The following NAP1L1 variants were observed in gnomAD, a reference collection of about 807,000 sequenced individuals.
The protein encoded by NAP1L1 is nucleosome assembly protein 1-like 1.
NAP1L1 carries 9 observed loss-of-function variants against 58.9 expected under a neutral mutation model. The observed-to-expected ratio is 0.15, with a 90% CI of 0.09 to 0.27. NAP1L1 has a LOEUF of 0.27. Ranked by LOEUF, NAP1L1 falls within the 10% of genes least tolerant of loss-of-function variation. NAP1L1 has a pLI of 1.00. For synonymous variants in NAP1L1, 130 were observed against 138.3 expected (o/e 0.94, Z 0.42); for missense variants, 302 against 458.8 (o/e 0.66, Z 3.12).
At chr12:76,083,887 G>C (rs1370978530) in intron 1 of NAP1L1, 1 of 152,250 alleles carries the variant, frequency 6.6e-6, no homozygotes, top group African/African-American at 2.4e-5. Context: ...CACAGACCGA[G>C]GGCAAGGGTC....
At chr12:76,083,560 T>G (rs1446002893) in intron 1 of NAP1L1, among the ~76,000 whole-genome samples, 2 of 151,772 alleles carry the variant, frequency 1.3e-5, no homozygotes, top group Non-Finnish European at 2.9e-5. Context: ...CAAGCTTGGT[T>G]TAGGGGTTTA....
At chr12:76,077,762 T>C (rs970341548) in intron 1 of NAP1L1, among the ~76,000 whole-genome samples, 1 of 151,882 alleles carries the variant, frequency 6.6e-6, no homozygotes, top group Non-Finnish European at 1.5e-5. Flanking sequence ...GGCAGGCGAA[T>C]TGCCTGAGCT....
intron 8 of NAP1L1, among the ~76,000 whole-genome samples, chr12:76,054,282 G>A (rs201785178): frequency 2.8e-5 from 3 of 109,054 alleles, no homozygotes; most frequent in African/African-American, 7.8e-5. Context: ...CACCCACCTC[G>A]GCCTCCCAAA....
rs545018387 is a variant in NAP1L1, at chr12:76,056,119, C to T, written c.472G>A (p.Asp158Asn). 7.4e-6 allele frequency: 12 copies of T among 1,612,732 alleles called. No homozygotes were observed. The South Asian group carries it at 1.1e-4, about 15-fold the overall frequency. Reference protein sequence around the residue: ...EKAKIEDEKKDEEKEDPKGIP... With the variant: ...EKAKIEDEKKNEEKEDPKGIP... ...CCTTTGGGGTCTTCTTTTTCTTCAT[C>T]TTTTTTCTCATCTTCAATCTTGGCC... The change falls in exon 7 of 15, where the codon GAT becomes AAT. Residue 158 changes from aspartate (D) to asparagine (N), a missense_variant. Physicochemically the swap from Asp to Asn is conservative, Grantham distance 23. Coordinates refer to ENST00000618691, the MANE Select transcript of NAP1L1 (RefSeq NM_004537.7).
Position 76,074,247 on chromosome 12 carries a change from G to A in NAP1L1, c.-20-8C>T, listed in dbSNP as rs748772096. ...TGTAAGAACTCCAAATATCTATGGA[G>A]AGAAACATCAATGTTAAAAAAAAAG... On this transcript the variant is annotated splice_region_variant and splice_polypyrimidine_tract_variant and intron_variant, in intron 1 of 14. Coordinates refer to ENST00000618691, the MANE Select transcript of NAP1L1 (RefSeq NM_004537.7). 3 of 1,565,988 alleles carry A rather than the reference G, an allele frequency of 1.9e-6. No individual in the cohort carries two copies. Among genetic ancestry groups the A allele is most frequent in the African/African-American group, 1.4e-5 (1 of 71,846 alleles).
intron 8 of NAP1L1, among the ~76,000 whole-genome samples, chr12:76,054,149 C>T (rs1948967397): frequency 1.3e-5 from 2 of 152,152 alleles, no homozygotes; most frequent in African/African-American, 2.4e-5. Flanking sequence ...GGTGCGCCAG[C>T]CTGCCAATTA....
At chr12:76,067,057 T>A (rs1949712082) in intron 4 of NAP1L1, among the ~76,000 whole-genome samples, 2 of 152,122 alleles carry the variant, frequency 1.3e-5, no homozygotes, top group Admixed American at 6.5e-5. Context: ...TAATAATGAT[T>A]TATGTCATCA....
Position 76,074,285 on chromosome 12 carries a change from T to TA in NAP1L1, c.-20-47dup, listed in dbSNP as rs146086563. 2.8e-4 allele frequency: 411 copies of TA among 1,484,912 alleles called. 1 individual carries two copies. Among genetic ancestry groups the TA allele is most frequent in the South Asian group, 1.3e-3 (92 of 73,534 alleles). The allele number at this position is 1,484,912 out of a possible 1,614,324, so 92.0% of individuals were successfully genotyped here. On this transcript the variant is annotated intron_variant, in intron 1 of 14. Coordinates refer to ENST00000618691, the MANE Select transcript of NAP1L1 (RefSeq NM_004537.7). ...GTTAAAAAAAAAGTATATGATTTAT[T>TA]AAAAAAAAATAAGAAACCAAAACCC...
intron 6 of NAP1L1, among the ~76,000 whole-genome samples, chr12:76,058,933 T>TTG (rs1414292013): frequency 1.3e-5 from 2 of 152,132 alleles, no homozygotes; most frequent in African/African-American, 4.8e-5. Context: ...TAACATACTG[T>TTG]TGGTAGGAGT....
chr12:76,078,539 C>T (rs1185003630), intron 1 of NAP1L1, among the ~76,000 whole-genome samples: 1 of 152,168 alleles, frequency 6.6e-6, no homozygotes, highest in African/African-American at 2.4e-5. Flanking sequence ...CAAATACATA[C>T]CTACAGACAT....
intron 3 of NAP1L1, 46 bp downstream of exon 3, chr12:76,068,863 A>G: frequency 2.2e-6 from 3 of 1,377,850 alleles, no homozygotes; most frequent in Non-Finnish European, 1.0e-6. Context: ...CCTCTAGTAG[A>G]CATGTGCCAG....
At chr12:76,056,797 A>C in intron 6 of NAP1L1, 1 of 343,762 alleles carries the variant, frequency 2.9e-6, no homozygotes, top group East Asian at 7.9e-5. Context: ...GGATCATTTA[A>C]GGTCAGGAGT....
intron 6 of NAP1L1, chr12:76,057,238 C>CA (rs890850749): frequency 7.1e-5 from 18 of 253,018 alleles, no homozygotes; most frequent in African/African-American, 4.1e-4. Flanking sequence ...TGCAGTGAGC[C>CA]AAGATCATGC....
chr12:76,079,000 C>T (rs1187053550), intron 1 of NAP1L1, among the ~76,000 whole-genome samples: 1 of 152,010 alleles, frequency 6.6e-6, no homozygotes, highest in South Asian at 2.1e-4. Flanking sequence ...TATATACACA[C>T]ACACACACAC....
chr12:76,065,013 C>G (rs1428469474), intron 4 of NAP1L1, among the ~76,000 whole-genome samples: 1 of 152,082 alleles, frequency 6.6e-6, no homozygotes, highest in African/African-American at 2.4e-5. Context: ...CTGAAACTTT[C>G]TTTATGCACA....
intron 6 of NAP1L1, 73 bp from the exon 7 acceptor site, chr12:76,056,234 A>T: frequency 4.9e-6 from 7 of 1,439,844 alleles, no homozygotes; most frequent in Non-Finnish European, 6.6e-6. Context: ...AGGTATAAAA[A>T]CCAAAAAGCA....
rs111443483 is a variant in NAP1L1, at chr12:76,038,034, A to C, written c.*10395T>G. 6.6e-6 allele frequency: 1 copy of C among 152,230 alleles called. No individual in the cohort carries two copies. Among genetic ancestry groups the C allele is most frequent in the East Asian group, 1.9e-4 (1 of 5,206 alleles). The allele number at this position is 152,230 out of a possible 1,614,324, so 9.4% of individuals were successfully genotyped here. A position where few individuals can be genotyped will look rare whatever the true frequency, so the allele number is the denominator to read the frequency against. On this transcript the variant is annotated 3_prime_UTR_variant, in exon 15 of 15. Coordinates refer to ENST00000618691, the MANE Select transcript of NAP1L1 (RefSeq NM_004537.7). The stretch of plus-strand genomic sequence containing the variant: ...CTTGTTATGGTAATATTAGCTTTGA[A>C]GTGACAAACGAAAATATGGAACTGG...
chr12:76,063,511 A>C (rs1434222376), intron 4 of NAP1L1, among the ~76,000 whole-genome samples: 1 of 152,208 alleles, frequency 6.6e-6, no homozygotes, highest in East Asian at 1.9e-4. Context: ...AGAAGCAAAC[A>C]TTGAGGCCGA....
At chr12:76,079,244 G>A (rs928727687) in intron 1 of NAP1L1, among the ~76,000 whole-genome samples, 1 of 152,118 alleles carries the variant, frequency 6.6e-6, no homozygotes, top group Admixed American at 6.5e-5. Flanking sequence ...ATGAAGGTGA[G>A]GCCATGTGCG....
Sources: gnomAD v4.1 joint callset for allele counts (sites outside exome capture counted in the v4.1 genomes callset) on GRCh38, gnomAD v4.1.1 for gene constraint, MANE v1.5 for transcripts, NCBI Gene and HGNC (gene_info 2026-07-23, HGNC 2026-07-21) for gene names.